The following PHF14 variants were observed in gnomAD, a reference collection of about 807,000 sequenced individuals.
The protein encoded by PHF14 is PHD finger protein 14.
PHF14 carries 55 observed loss-of-function variants against 117.9 expected under a neutral mutation model. The observed-to-expected ratio is 0.47, with a 90% CI of 0.38 to 0.58. The LOEUF is 0.58. PHF14 is among the 20% of genes least tolerant of loss of function. The pLI, the probability that PHF14 is intolerant of heterozygous loss-of-function variation, is 0.00. For synonymous variants in PHF14, 409 were observed against 368.6 expected (o/e 1.11, Z -1.26); for missense variants, 978 against 1,122.2 (o/e 0.87, Z 1.84).
intron 17 of PHF14, among the ~76,000 whole-genome samples, chr7:11,143,918 A>T (rs1788469150): frequency 6.6e-6 from 1 of 152,162 alleles, no homozygotes; most frequent in Admixed American, 6.5e-5. Flanking sequence ...AAAGGAAACA[A>T]TCAACAGAGT....
At chr7:11,010,221 G>T (rs1783298878) in intron 4 of PHF14, among the ~76,000 whole-genome samples, 1 of 151,936 alleles carries the variant, frequency 6.6e-6, no homozygotes, top group Non-Finnish European at 1.5e-5. Context: ...TTCATTTTAT[G>T]ATTTTTCTTT....
chr7:11,153,311 G>T (rs1389248659), intron 17 of PHF14, among the ~76,000 whole-genome samples: 4 of 152,072 alleles, frequency 2.6e-5, no homozygotes, highest in Non-Finnish European at 5.9e-5. Flanking sequence ...ATAAGAGAAA[G>T]GAAGGAATTA....
chr7:11,140,795 A>G (rs1324197817), intron 17 of PHF14, among the ~76,000 whole-genome samples: 3 of 152,152 alleles, frequency 2.0e-5, no homozygotes, highest in African/African-American at 7.2e-5. Flanking sequence ...TGGCAGTAGA[A>G]TGCAAATGCT....
intron 17 of PHF14, among the ~76,000 whole-genome samples, chr7:11,129,226 G>A (rs985937678): frequency 1.3e-5 from 2 of 152,000 alleles, no homozygotes; most frequent in Admixed American, 6.6e-5. Flanking sequence ...TTTTGCCTTA[G>A]AGGCCCAAGG....
chr7:11,050,079 A>T (rs1784804068), intron 13 of PHF14, among the ~76,000 whole-genome samples: 1 of 152,192 alleles, frequency 6.6e-6, no homozygotes, highest in South Asian at 2.1e-4. Context: ...TTTTAGTAAT[A>T]ATATGTTTGC....
intron 4 of PHF14, among the ~76,000 whole-genome samples, chr7:10,991,823 C>A (rs1203330831): frequency 7.7e-6 from 1 of 129,838 alleles, no homozygotes; most frequent in Non-Finnish European, 1.5e-5. Flanking sequence ...ATCTTGAACT[C>A]CTGGCCTCAA....
At chr7:11,122,445 A>G (rs546594380) in intron 17 of PHF14, among the ~76,000 whole-genome samples, 129 of 140,006 alleles carry the variant, frequency 9.2e-4, no homozygotes, top group Admixed American at 5.2e-3. Context: ...ATATATACGT[A>G]TATATATATA....
At chr7:10,979,939 C>A (rs1583323228) in intron 2 of PHF14, among the ~76,000 whole-genome samples, 1 of 151,904 alleles carries the variant, frequency 6.6e-6, no homozygotes, top group African/African-American at 2.4e-5. Context: ...GTCCATTCTT[C>A]TAATAATAGT....
chr7:11,086,828 C>T (rs912814455), intron 16 of PHF14, among the ~76,000 whole-genome samples: 1 of 151,934 alleles, frequency 6.6e-6, no homozygotes, highest in Non-Finnish European at 1.5e-5. Flanking sequence ...GTTTTCATGG[C>T]TTTTATTGTT....
rs764415575 is a variant in PHF14 at position 10,982,575 on chromosome 7, G to A, written c.316G>A (p.Glu106Lys). Residue 106 changes from glutamate (E) to lysine (K), a missense_variant, in exon 3 of 18, where the codon GAA becomes AAA. Physicochemically the swap from Glu to Lys is moderately conservative, Grantham distance 56. Coordinates refer to ENST00000634607, the MANE Select transcript of PHF14 (RefSeq NM_001007157.2). ...TAAAATGGAAAAGAAGGAAGAAGAA[G>A]AAAATGGAGAAAGACCTAGAAAGAA... Reference protein sequence around the residue: ...LIKMEKKEEEENGERPRKKKE... With the variant: ...LIKMEKKEEEKNGERPRKKKE... 3.4e-6 allele frequency: 5 copies of A among 1,471,176 alleles called. No individual in the cohort carries two copies. Among genetic ancestry groups the A allele is most frequent in the South Asian group, 1.2e-5 (1 of 80,204 alleles). The allele number at this position is 1,471,176 out of a possible 1,614,324, so 91.1% of individuals were successfully genotyped here. A position where few individuals can be genotyped will look rare whatever the true frequency, so the allele number is the denominator to read the frequency against.
chr7:10,974,433 T>G, intron 1 of PHF14, 109 bp downstream of exon 1: 1 of 923,920 alleles, frequency 1.1e-6, no homozygotes, highest in Non-Finnish European at 1.7e-6. Context: ...AAAGCAGGAT[T>G]GGTGGACCCT....
chr7:11,141,577 TC>T (rs1011307458), intron 17 of PHF14, among the ~76,000 whole-genome samples: 1 of 152,126 alleles, frequency 6.6e-6, no homozygotes, highest in Non-Finnish European at 1.5e-5. Flanking sequence ...TTTAAAATGT[TC>T]CTGGCATTGT....
intron 6 of PHF14, among the ~76,000 whole-genome samples, chr7:11,024,662 A>T (rs886952255): frequency 1.1e-4 from 17 of 152,232 alleles, no homozygotes; most frequent in Non-Finnish European, 1.9e-4. Context: ...TGCACAGCAC[A>T]TCTGTGTACC....
At chr7:11,075,082 C>T (rs180787321) in intron 16 of PHF14, among the ~76,000 whole-genome samples, 377 of 152,016 alleles carry the variant, frequency 2.5e-3, no homozygotes, top group African/African-American at 8.8e-3. Flanking sequence ...GGACTACAGA[C>T]ACATGCCATC....
At chr7:11,061,720 A>G (rs1372749908) in intron 14 of PHF14, 71 bp from the exon 15 acceptor site, 2 of 1,156,684 alleles carry the variant, frequency 1.7e-6, no homozygotes, top group Non-Finnish European at 2.3e-6. Flanking sequence ...GGAAATTTAT[A>G]TTTATTATTA....
intron 16 of PHF14, among the ~76,000 whole-genome samples, chr7:11,092,126 A>G (rs1222966819): frequency 6.6e-6 from 1 of 152,170 alleles, no homozygotes; most frequent in Non-Finnish European, 1.5e-5. Flanking sequence ...GCTTAGTTGT[A>G]TGTCAGCTGA....
rs564510054 is a variant in PHF14, at chr7:11,030,274, A to G, written c.1455+1456A>G. 5.9e-5 allele frequency among the ~76,000 whole-genome samples: 9 copies of G among 152,230 alleles called. No individual in the cohort carries two copies. The South Asian group carries it at 1.9e-3, about 32-fold the overall frequency. On this transcript the variant is annotated intron_variant, in intron 7 of 17. Transcript: ENST00000634607. ...CAATACAGGTAAGAGTTAGAGGACCAGATAAATACTACGTAAATACTTGGA... is the reference window on the plus strand; with the variant it reads ...CAATACAGGTAAGAGTTAGAGGACCGGATAAATACTACGTAAATACTTGGA...
intron 4 of PHF14, among the ~76,000 whole-genome samples, chr7:10,991,591 T>C (rs1238881683): frequency 6.6e-6 from 1 of 152,010 alleles, no homozygotes; most frequent in East Asian, 1.9e-4. Flanking sequence ...ATTACAGGCG[T>C]AAGCCACCGC....
intron 5 of PHF14, among the ~76,000 whole-genome samples, chr7:11,015,764 A>G (rs1783513180): frequency 6.6e-6 from 1 of 150,448 alleles, no homozygotes; most frequent in Non-Finnish European, 1.5e-5. Flanking sequence ...GTGCTTTCTT[A>G]TTACCATTAT....
Sources: gnomAD v4.1 joint callset for allele counts (sites outside exome capture counted in the v4.1 genomes callset) on GRCh38, gnomAD v4.1.1 for gene constraint, MANE v1.5 for transcripts, NCBI Gene and HGNC (gene_info 2026-07-23, HGNC 2026-07-21) for gene names.